The following NHS variants were observed in gnomAD, a reference collection of about 807,000 sequenced individuals.
The protein encoded by NHS is NHS actin remodeling regulator.
NHS carries 5 observed loss-of-function variants against 72.5 expected under a neutral mutation model. The ratio of observed to expected loss-of-function variants is 0.07; its 90% CI spans 0.04 to 0.14. The LOEUF is 0.14. Among genes scored for constraint, NHS ranks in the 10% least tolerant of loss-of-function variants. The pLI is 1.00. For missense variants in NHS, 1,072 were observed against 1,355.7 expected (o/e 0.79, Z 3.29); for synonymous variants, 464 against 547.7 (o/e 0.85, Z 2.13).
chrX:17,385,672 G>A (rs766105291), intron 1 of NHS, among the ~76,000 whole-genome samples: 46 of 111,546 alleles, frequency 4.1e-4, no homozygotes, highest in Non-Finnish European at 7.7e-4. Flanking sequence ...CGTGCTCAAA[G>A]CATTTAACCA....
intron 1 of NHS, among the ~76,000 whole-genome samples, chrX:17,657,757 C>A (rs1358428806): frequency 1.8e-5 from 2 of 112,879 alleles, no homozygotes; most frequent in African/African-American, 6.4e-5. Context: ...GGCTTTACAT[C>A]CCCTGGTTGG....
chrX:17,456,983 A>G (rs1870082528), intron 1 of NHS, among the ~76,000 whole-genome samples: 1 of 112,154 alleles, frequency 8.9e-6, no homozygotes, highest in African/African-American at 3.2e-5. Context: ...CCATAAGCTG[A>G]GATGTATCTT....
chrX:17,678,739 G>T (rs375526323), intron 1 of NHS, among the ~76,000 whole-genome samples: 6 of 111,957 alleles, frequency 5.4e-5, no homozygotes, highest in African/African-American at 2.0e-4. Flanking sequence ...CAAAGAGAGA[G>T]AGAGAGAGCT....
At chrX:17,491,125 T>C (rs961349443) in intron 1 of NHS, among the ~76,000 whole-genome samples, 1 of 111,755 alleles carries the variant, frequency 8.9e-6, no homozygotes. Flanking sequence ...ATTGCTTTCT[T>C]GTGCCTGATT....
chrX:17,719,342 A>AGTT lies in NHS; in HGVS notation c.853-1_854dup, dbSNP rs2066391548. On this transcript the variant is annotated splice_acceptor_variant, in intron 3 of 8. Transcript: ENST00000676302. LOFTEE classifies it high-confidence loss of function. Reference sequence around the variant, plus strand: ...TTCTTTTTTTGCATTTCATGTTCATAGTTTAACAGCACCCGTTCGCCCTCC... The same window carrying AGTT: ...TTCTTTTTTTGCATTTCATGTTCATAGTTGTTTAACAGCACCCGTTCGCCCTCC... 2 of 1,166,206 alleles carry AGTT rather than the reference A, an allele frequency of 1.7e-6. No homozygotes were observed. Among genetic ancestry groups the AGTT allele is most frequent in the Middle Eastern group, 2.3e-4 (1 of 4,305 alleles).
At chrX:17,724,501 A>T (rs1250232237) in intron 6 of NHS, 71 bp downstream of exon 6, 2 of 1,161,839 alleles carry the variant, frequency 1.7e-6, no homozygotes, top group Non-Finnish European at 1.2e-6. Context: ...ATGAAATAGA[A>T]AAATGATTAA....
chrX:17,376,666 C>T (rs1448001841), intron 1 of NHS, among the ~76,000 whole-genome samples: 1 of 112,664 alleles, frequency 8.9e-6, no homozygotes, highest in Non-Finnish European at 1.9e-5. Flanking sequence ...CCGGGGCTCG[C>T]CTTTCACGTC....
chrX:17,629,577 A>G (rs2065815558), intron 1 of NHS, among the ~76,000 whole-genome samples: 1 of 111,670 alleles, frequency 9.0e-6, no homozygotes, highest in South Asian at 3.8e-4. Context: ...CCATGTGGTG[A>G]GGACGGCTTC....
At chrX:17,707,375 A>G (rs751373709) in intron 3 of NHS, among the ~76,000 whole-genome samples, 2 of 112,557 alleles carry the variant, frequency 1.8e-5, no homozygotes, top group Non-Finnish European at 3.8e-5. Flanking sequence ...AAAATTAGCC[A>G]GGAGCAAAAT....
intron 1 of NHS, among the ~76,000 whole-genome samples, chrX:17,417,813 G>A (rs1235715398): frequency 1.8e-5 from 2 of 112,379 alleles, no homozygotes; most frequent in South Asian, 7.4e-4. Context: ...TCTGTAGAAT[G>A]TTCTGTGAAC....
intron 1 of NHS, among the ~76,000 whole-genome samples, chrX:17,410,930 C>T (rs1343974501): frequency 1.8e-5 from 2 of 111,637 alleles, no homozygotes; most frequent in African/African-American, 6.5e-5. Flanking sequence ...TTGTGTGAAA[C>T]TTAGAAAGCA....
intron 1 of NHS, among the ~76,000 whole-genome samples, chrX:17,545,646 G>A (rs147369223): frequency 0.012 from 1,304 of 111,974 alleles, 19 homozygotes; most frequent in African/African-American, 0.04. Flanking sequence ...TGCTGTCCAG[G>A]TACTCCATAC....
At chrX:17,610,893 G>A (rs1271508224) in intron 1 of NHS, among the ~76,000 whole-genome samples, 4 of 112,439 alleles carry the variant, frequency 3.6e-5, no homozygotes, top group South Asian at 3.6e-4. Flanking sequence ...ACTTCACTCC[G>A]TGTAATCACA....
intron 1 of NHS, chrX:17,528,296 A>T (rs2065182475): frequency 8.9e-6 from 1 of 112,224 alleles, no homozygotes; most frequent in Non-Finnish European, 1.9e-5. Flanking sequence ...GGAGCCCCTG[A>T]TCTAGCAGGT....
At chrX:17,648,996 C>T (rs899182024) in intron 1 of NHS, among the ~76,000 whole-genome samples, 23 of 112,084 alleles carry the variant, frequency 2.1e-4, no homozygotes, top group Middle Eastern at 9.2e-3. Context: ...TGCTAGTTTC[C>T]TTCCTTGACC....
At chrX:17,430,337 C>CTCTT (rs1226357646) in intron 1 of NHS, among the ~76,000 whole-genome samples, 3 of 70,003 alleles carry the variant, frequency 4.3e-5, no homozygotes, top group East Asian at 4.7e-4. Context: ...TCTTTTTCTT[C>CTCTT]TCTTTCTTTC....
chrX:17,697,906 T>C (rs1196489950), intron 3 of NHS, among the ~76,000 whole-genome samples: 1 of 96,331 alleles, frequency 1.0e-5, no homozygotes, highest in Non-Finnish European at 2.1e-5. Flanking sequence ...TAAAATGGTA[T>C]AAGAAAAAAG....
rs184874221 is a variant in NHS at position 17,458,452 on chromosome X, C to G, written c.565+82130C>G. Among the ~76,000 whole-genome samples, 990 of 111,066 alleles carry G rather than the reference C, an allele frequency of 8.9e-3. 17 individuals carry two copies. The highest frequency in any genetic ancestry group is 0.031 in the African/African-American group (933 of 30,478). On this transcript the variant is annotated intron_variant, in intron 1 of 8. Coordinates refer to ENST00000676302, the MANE Select transcript of NHS (RefSeq NM_001291867.2). ...CCATGTTGGCTAGGCTGGTCTTGAACTCCTGACCTCAAGTCATCTACCTGC... is the reference window on the plus strand; with the variant it reads ...CCATGTTGGCTAGGCTGGTCTTGAAGTCCTGACCTCAAGTCATCTACCTGC...
chrX:17,514,858 G>A (rs2065111419), intron 1 of NHS, among the ~76,000 whole-genome samples: 3 of 111,473 alleles, frequency 2.7e-5, no homozygotes, highest in Admixed American at 1.9e-4. Context: ...TGGTTTCTCT[G>A]CAACTGGATG....
Sources: gnomAD v4.1 joint callset for allele counts (sites outside exome capture counted in the v4.1 genomes callset) on GRCh38, gnomAD v4.1.1 for gene constraint, MANE v1.5 for transcripts, NCBI Gene and HGNC (gene_info 2026-07-23, HGNC 2026-07-21) for gene names.